INTS8: variants seen among roughly 807,000 people sequenced by gnomAD.
INTS8 encodes protein kaonashi-1.
In INTS8, 47 loss-of-function variants were observed where a neutral mutation model predicts 138.9. The observed-to-expected ratio is 0.34, with a 90% CI of 0.27 to 0.43. INTS8 has a LOEUF of 0.43. INTS8 is among the 20% of genes least tolerant of loss of function. The pLI is 1.00. For synonymous variants in INTS8, 392 were observed against 400.9 expected, an observed-to-expected ratio of 0.98 and a Z score of 0.27; for missense variants, 996 against 1,173.0, an observed-to-expected ratio of 0.85 and a Z score of 2.20.
intron 20 of INTS8, among the ~76,000 whole-genome samples, chr8:94,870,709 A>T (rs901235153): frequency 6.6e-6 from 1 of 152,188 alleles, no homozygotes; most frequent in Non-Finnish European, 1.5e-5. Flanking sequence ...TTCATTTTCC[A>T]CTGTACTGGG....
At chr8:94,858,815 G>A (rs1007930437) in intron 15 of INTS8, among the ~76,000 whole-genome samples, 4 of 152,278 alleles carry the variant, frequency 2.6e-5, no homozygotes, top group African/African-American at 9.6e-5. Context: ...TAGTCTCTTT[G>A]TGCTACCTTT....
At chr8:94,843,878 C>T (rs1265322257) in intron 10 of INTS8, among the ~76,000 whole-genome samples, 2 of 152,172 alleles carry the variant, frequency 1.3e-5, no homozygotes, top group Non-Finnish European at 2.9e-5. Context: ...TTGATATTGT[C>T]AGATCGCCTG....
At position 94,880,434 on chromosome 8, in the gene INTS8, G is replaced by T; in HGVS notation, c.*200G>T. 1 of 354,692 alleles carries T rather than the reference G, an allele frequency of 2.8e-6. No individual in the cohort carries two copies. Among genetic ancestry groups the T allele is most frequent in the Non-Finnish European group, 5.0e-6 (1 of 198,890 alleles). The allele number at this position is 354,692 out of a possible 1,614,324, so 22.0% of individuals were successfully genotyped here. On this transcript the variant is annotated 3_prime_UTR_variant, in exon 27 of 27. Transcript: ENST00000523731. ...ACAATAAATGTATAGTTTCTTCAAA[G>T]GGAGAAGAGATTCACATATCTGATA...
chr8:94,857,679 GTC>G (rs1815803007), intron 15 of INTS8, among the ~76,000 whole-genome samples: 1 of 152,190 alleles, frequency 6.6e-6, no homozygotes, highest in African/African-American at 2.4e-5. Flanking sequence ...CATTGCTCCA[GTC>G]TCTGCTGCTG....
Position 94,841,595 on chromosome 8 carries a change from A to T in INTS8, c.1118+4A>T, listed in dbSNP as rs1815135553. 2.7e-6 allele frequency: 4 copies of T among 1,473,686 alleles called. No individual in the cohort carries two copies. The highest frequency in any genetic ancestry group is 1.4e-5 in the African/African-American group (1 of 70,704). 91.3% of individuals were successfully genotyped at this position (1,473,686 alleles called of 1,614,324 possible). On this transcript the variant is annotated splice_donor_region_variant and intron_variant, in intron 9 of 26. Transcript: ENST00000523731. ...TCTTTAAGAAAGCTCAACAGGGGTAAGTAAGTTGAAAAATTACTTCTTGAT... is the reference window on the plus strand; with the variant it reads ...TCTTTAAGAAAGCTCAACAGGGGTATGTAAGTTGAAAAATTACTTCTTGAT...
chr8:94,858,583 G>A (rs1222008090), intron 15 of INTS8, among the ~76,000 whole-genome samples: 1 of 152,212 alleles, frequency 6.6e-6, no homozygotes, highest in Non-Finnish European at 1.5e-5. Context: ...GTCAGGCATT[G>A]TTCTAAGCTT....
intron 8 of INTS8, among the ~76,000 whole-genome samples, chr8:94,839,432 A>C (rs1409571059): frequency 6.6e-6 from 1 of 152,240 alleles, no homozygotes; most frequent in Non-Finnish European, 1.5e-5. Context: ...AGGAATCATG[A>C]AATGATAAAG....
chr8:94,841,127 G>A (rs940047742), intron 8 of INTS8, among the ~76,000 whole-genome samples: 4 of 151,898 alleles, frequency 2.6e-5, no homozygotes, highest in Admixed American at 1.3e-4. Flanking sequence ...TGGCCAGGCT[G>A]GTTTTAAATT....
Position 94,850,106 on chromosome 8 carries a change from C to A in INTS8, c.1507+15C>A. Reference sequence around the variant, plus strand: ...TGATATCCCAGGTTAGCTCTCTAGTCGGCCAGCCAAAATGTTGGCATGTTT... The same window carrying A: ...TGATATCCCAGGTTAGCTCTCTAGTAGGCCAGCCAAAATGTTGGCATGTTT... On this transcript the variant is annotated intron_variant, in intron 12 of 26. Coordinates refer to ENST00000523731, the MANE Select transcript of INTS8 (RefSeq NM_017864.4). 1.9e-6 allele frequency: 3 copies of A among 1,551,794 alleles called. No individual in the cohort carries two copies. In the South Asian group the frequency reaches 3.7e-5, roughly 19 times the overall value.
rs755098460 is a variant in INTS8 at position 94,824,878 on chromosome 8, T to G, written c.131-15T>G. The G allele has an allele frequency of 6.5e-7, 1 of 1,536,262 alleles. No individual in the cohort carries two copies. The highest frequency in any genetic ancestry group is 1.2e-5 in the South Asian group (1 of 83,152). Reference sequence around the variant, plus strand: ...AAAACTTAAATTTAAGAATTTATTTTCTTTTAAACCCTAGATCCTGCACCA... The same window carrying G: ...AAAACTTAAATTTAAGAATTTATTTGCTTTTAAACCCTAGATCCTGCACCA... On this transcript the variant is annotated splice_polypyrimidine_tract_variant and intron_variant, in intron 1 of 26. Transcript: ENST00000523731.
intron 1 of INTS8, 47 bp downstream of exon 1, chr8:94,823,608 C>G (rs1367787700): frequency 7.0e-7 from 1 of 1,436,468 alleles, no homozygotes; most frequent in African/African-American, 1.4e-5. Context: ...GCCACCGGCG[C>G]TGTCCGCCCA....
At chr8:94,850,896 C>G (rs569397630) in intron 12 of INTS8, among the ~76,000 whole-genome samples, 8 of 152,056 alleles carry the variant, frequency 5.3e-5, no homozygotes, top group African/African-American at 1.4e-4. Context: ...AAATAAGAAA[C>G]ATAAACTTCA....
At chr8:94,824,008 T>G (rs1814386036) in intron 1 of INTS8, among the ~76,000 whole-genome samples, 1 of 150,366 alleles carries the variant, frequency 6.7e-6, no homozygotes, top group Non-Finnish European at 1.5e-5. Context: ...AACATTTTTT[T>G]CTTCAGTGAG....
At chr8:94,840,319 T>G (rs971191504) in intron 8 of INTS8, among the ~76,000 whole-genome samples, 2 of 152,180 alleles carry the variant, frequency 1.3e-5, no homozygotes, top group Admixed American at 1.3e-4. Context: ...TTGAAACCAC[T>G]TATGTCAGTA....
intron 14 of INTS8, 67 bp from the exon 15 acceptor site, chr8:94,856,710 A>G (rs1031705248): frequency 9.9e-6 from 13 of 1,306,542 alleles, no homozygotes; most frequent in Non-Finnish European, 1.3e-5. Context: ...TGCTCTGTCA[A>G]CATAAAGGCA....
intron 16 of INTS8, among the ~76,000 whole-genome samples, chr8:94,864,042 A>T (rs1390185455): frequency 6.6e-6 from 1 of 152,236 alleles, no homozygotes; most frequent in Non-Finnish European, 1.5e-5. Context: ...TAGAAGATGT[A>T]TGTGGAAGTA....
intron 14 of INTS8, 60 bp from the exon 15 acceptor site, chr8:94,856,717 G>C: frequency 7.2e-7 from 1 of 1,382,988 alleles, no homozygotes; most frequent in Non-Finnish European, 1.0e-6. Flanking sequence ...TCAACATAAA[G>C]GCACACATTT....
chr8:94,858,322 G>A (rs994736567), intron 15 of INTS8, among the ~76,000 whole-genome samples: 1 of 152,194 alleles, frequency 6.6e-6, no homozygotes, highest in African/African-American at 2.4e-5. Flanking sequence ...ATTTCCAGCA[G>A]GGGCATGCAG....
At chr8:94,873,324 TG>T (rs756067695) in intron 21 of INTS8, 49 bp from the exon 22 acceptor site, 1 of 1,262,160 alleles carries the variant, frequency 7.9e-7, no homozygotes, top group African/African-American at 1.5e-5. Context: ...AAGGAATCCC[TG>T]TTTTTCAACT....
Sources: allele counts gnomAD v4.1 joint callset (sites outside exome capture counted in the v4.1 genomes callset), GRCh38; gene constraint gnomAD v4.1.1; transcripts MANE v1.5; gene names NCBI Gene and HGNC (gene_info 2026-07-23, HGNC 2026-07-21).